Variants in NALF1 observed in about 807,000 individuals in gnomAD.
The protein encoded by NALF1 is NALCN channel auxiliary factor 1.
In NALF1, 3 loss-of-function variants were observed where a neutral mutation model predicts 48.4. The observed-to-expected ratio is 0.06, with a 90% confidence interval of 0.03 to 0.16. The LOEUF is 0.16. Among genes scored for constraint, NALF1 ranks in the 10% least tolerant of loss-of-function variants. NALF1 has a pLI of 1.00. For synonymous variants in NALF1, 262 were observed against 245.7 expected (o/e 1.07, Z -0.62); for missense variants, 526 against 571.5 (o/e 0.92, Z 0.81).
At chr13:107,585,416 GT>G (rs1398660507) in intron 1 of NALF1, among the ~76,000 whole-genome samples, 1 of 152,002 alleles carries the variant, frequency 6.6e-6, no homozygotes, top group Non-Finnish European at 1.5e-5. Flanking sequence ...GAAATATGAG[GT>G]TTCACCCTTA....
At position 107,545,916 on chromosome 13, in the gene NALF1, C is replaced by T. The variant is rs556783493; in HGVS notation, c.915+319766G>A. 1.5e-3 allele frequency among the ~76,000 whole-genome samples: 231 copies of T among 152,308 alleles called. 2 individuals are homozygous for T. The highest frequency in any genetic ancestry group is 5.5e-3 in the African/African-American group (227 of 41,572). On this transcript the variant is annotated intron_variant, in intron 1 of 2. Coordinates refer to ENST00000375915, the MANE Select transcript of NALF1 (RefSeq NM_001080396.3). Reference sequence around the variant, plus strand: ...GATAACTAGTTTGCCTCTGTACAGACTTCTTCCTCATAGCAAACATCTTAA... The same window carrying T: ...GATAACTAGTTTGCCTCTGTACAGATTTCTTCCTCATAGCAAACATCTTAA...
At chr13:107,716,045 G>T (rs1332562287) in intron 1 of NALF1, among the ~76,000 whole-genome samples, 3 of 152,088 alleles carry the variant, frequency 2.0e-5, no homozygotes, top group Non-Finnish European at 4.4e-5. Context: ...AACTTAGGGT[G>T]TTAAACTTAG....
At chr13:107,587,643 C>G (rs1422166130) in intron 1 of NALF1, among the ~76,000 whole-genome samples, 10 of 152,026 alleles carry the variant, frequency 6.6e-5, no homozygotes, top group African/African-American at 2.4e-4. Flanking sequence ...AAGGGATTAC[C>G]AGGTGATTTT....
intron 1 of NALF1, among the ~76,000 whole-genome samples, chr13:107,609,274 C>T (rs531440122): frequency 3.3e-5 from 5 of 152,282 alleles, no homozygotes; most frequent in South Asian, 2.1e-4. Context: ...AAATCTTCGC[C>T]GAGAGCAGTT....
chr13:107,632,909 G>GA lies in NALF1; in HGVS notation c.915+232772dup, dbSNP rs57758796. ...CAGAAATTTTTATAACAAGCCTCATGAAAAAAAAAAAAAAGGAATGGCAAG... is the reference window on the plus strand; with the variant it reads ...CAGAAATTTTTATAACAAGCCTCATGAAAAAAAAAAAAAAAGGAATGGCAAG... On this transcript the variant is annotated intron_variant, in intron 1 of 2. Coordinates refer to ENST00000375915, the MANE Select transcript of NALF1 (RefSeq NM_001080396.3). Among the ~76,000 whole-genome samples, 1,099 of 139,102 alleles carry GA rather than the reference G, an allele frequency of 7.9e-3. 13 individuals are homozygous for GA. Among genetic ancestry groups the GA allele is most frequent in the East Asian group, 0.022 (106 of 4,746 alleles). The allele number at this position is 139,102 out of a possible 152,430, so 91.3% of individuals were successfully genotyped here.
intron 1 of NALF1, among the ~76,000 whole-genome samples, chr13:107,612,751 T>A (rs1266982241): frequency 6.6e-6 from 1 of 152,126 alleles, no homozygotes; most frequent in Non-Finnish European, 1.5e-5. Flanking sequence ...TCTTAGGCCT[T>A]GAGACTCCAG....
chr13:107,842,918 C>A (rs1594309107), intron 1 of NALF1, among the ~76,000 whole-genome samples: 1 of 152,022 alleles, frequency 6.6e-6, no homozygotes, highest in East Asian at 1.9e-4. Context: ...GGATACGGCC[C>A]CCTTCCCCAA....
chr13:107,569,905 G>C (rs1367476938), intron 1 of NALF1, among the ~76,000 whole-genome samples: 1 of 151,886 alleles, frequency 6.6e-6, no homozygotes, highest in Non-Finnish European at 1.5e-5. Flanking sequence ...GGTCTTCTTT[G>C]ATTTCATCAT....
At chr13:107,708,994 CATAAA>C (rs1224092830) in intron 1 of NALF1, among the ~76,000 whole-genome samples, 1 of 152,128 alleles carries the variant, frequency 6.6e-6, no homozygotes, top group Non-Finnish European at 1.5e-5. Context: ...TTGGGGACAA[CATAAA>C]ATAAGTGTCA....
chr13:107,639,767 T>C (rs2138457114), intron 1 of NALF1, among the ~76,000 whole-genome samples: 1 of 152,136 alleles, frequency 6.6e-6, no homozygotes, highest in Admixed American at 6.5e-5. Context: ...GTAAAGAGGG[T>C]CATGTCCAGC....
chr13:107,802,656 A>G (rs925531332), intron 1 of NALF1, among the ~76,000 whole-genome samples: 9 of 151,824 alleles, frequency 5.9e-5, no homozygotes, highest in Admixed American at 5.2e-4. Context: ...CTTAATGACA[A>G]GAGCCATGTT....
intron 1 of NALF1, among the ~76,000 whole-genome samples, chr13:107,556,659 T>C (rs896427543): frequency 1.0e-5 from 1 of 98,544 alleles, no homozygotes; most frequent in Non-Finnish European, 2.2e-5. Flanking sequence ...GCCCAGCTTT[T>C]TGTATTTATT....
At chr13:107,612,706 C>T (rs1404246663) in intron 1 of NALF1, among the ~76,000 whole-genome samples, 1 of 152,118 alleles carries the variant, frequency 6.6e-6, no homozygotes, top group Admixed American at 6.5e-5. Context: ...GACTTCAAGG[C>T]TGCCAGCATT....
intron 1 of NALF1, among the ~76,000 whole-genome samples, chr13:107,503,786 T>G (rs1225313611): frequency 6.7e-6 from 1 of 149,628 alleles, no homozygotes; most frequent in East Asian, 2.0e-4. Flanking sequence ...TGTGTGTGTG[T>G]GTAATGAAGT....
chr13:107,450,862 T>C (rs1037554346), intron 1 of NALF1, among the ~76,000 whole-genome samples: 2 of 152,214 alleles, frequency 1.3e-5, no homozygotes, highest in African/African-American at 2.4e-5. Context: ...ATGGAAAATA[T>C]AGGCTTTGAA....
chr13:107,247,659 A>C (rs1251071505), intron 1 of NALF1, among the ~76,000 whole-genome samples: 8 of 152,230 alleles, frequency 5.3e-5, no homozygotes, highest in Non-Finnish European at 1.0e-4. Flanking sequence ...ACACATGGGG[A>C]TATCTGTTAT....
chr13:107,268,511 G>A (rs1030379843), intron 1 of NALF1, among the ~76,000 whole-genome samples: 2 of 152,142 alleles, frequency 1.3e-5, no homozygotes, highest in African/African-American at 4.8e-5. Flanking sequence ...CAGTATCCTG[G>A]TTGTGATAAT....
intron 1 of NALF1, among the ~76,000 whole-genome samples, chr13:107,441,372 G>C (rs543345533): frequency 6.6e-6 from 1 of 152,286 alleles, no homozygotes; most frequent in East Asian, 1.9e-4. Context: ...TTAAGGCAAC[G>C]TGAGGATCAT....
chr13:107,736,050 A>G (rs7331827), intron 1 of NALF1, among the ~76,000 whole-genome samples: 145,132 of 152,222 alleles, frequency 0.95, 69,347 homozygotes, highest in East Asian at 1. Context: ...TTTGAGGGCT[A>G]AACCAATAGA....
Sources: allele counts gnomAD v4.1 joint callset (sites outside exome capture counted in the v4.1 genomes callset), GRCh38; gene constraint gnomAD v4.1.1; transcripts MANE v1.5; gene names NCBI Gene and HGNC (gene_info 2026-07-23, HGNC 2026-07-21).